Variants in LINGO2 observed in about 807,000 individuals in gnomAD.
LINGO2 encodes leucine-rich repeat and immunoglobulin-like domain-containing nogo receptor-interacting protein 2.
Under a neutral mutation model 30.6 loss-of-function variants are expected in LINGO2, and 14 were observed. The ratio of observed to expected loss-of-function variants is 0.46; its 90% CI spans 0.30 to 0.72. LINGO2 has a LOEUF of 0.72. Ranked by LOEUF, LINGO2 falls within the 30% of genes least tolerant of loss-of-function variation. LINGO2 has a pLI of 0.07. For missense variants in LINGO2, 729 were observed against 751.7 expected (o/e 0.97, Z 0.35); for synonymous variants, 317 against 288.5 (o/e 1.10, Z -1.00).
chr9:28,549,276 T>C (rs1026857545), intron 1 of LINGO2, among the ~76,000 whole-genome samples: 1 of 152,104 alleles, frequency 6.6e-6, no homozygotes, highest in Admixed American at 6.5e-5. Context: ...CAACAACATA[T>C]TTTTCAGTTT....
At chr9:28,136,088 G>T (rs1251358167) in intron 4 of LINGO2, among the ~76,000 whole-genome samples, 1 of 152,082 alleles carries the variant, frequency 6.6e-6, no homozygotes, top group Non-Finnish European at 1.5e-5. Context: ...AATTCACTTT[G>T]TAGAGTCTGA....
the LINGO2 span, among the ~76,000 whole-genome samples, chr9:28,860,539 ATTACT>A: frequency 6.6e-6 from 1 of 151,946 alleles, no homozygotes; most frequent in South Asian, 2.1e-4. Context: ...ATGTGAGCCA[ATTACT>A]TATGATAAAT....
At chr9:29,106,595 A>T in the LINGO2 span, among the ~76,000 whole-genome samples, 1 of 152,178 alleles carries the variant, frequency 6.6e-6, no homozygotes, top group African/African-American at 2.4e-5. Flanking sequence ...GATGTTAAAC[A>T]TGTATTTGCT....
chr9:28,781,110 T>A, the LINGO2 span, among the ~76,000 whole-genome samples: 1 of 151,954 alleles, frequency 6.6e-6, no homozygotes, highest in African/African-American at 2.4e-5. Flanking sequence ...ATACATGAGG[T>A]TTTTGAGGCT....
intron 3 of LINGO2, among the ~76,000 whole-genome samples, chr9:28,362,103 C>G (rs1005416509): frequency 1.3e-5 from 2 of 152,180 alleles, no homozygotes; most frequent in Non-Finnish European, 2.9e-5. Context: ...ATCAGAATAT[C>G]TAAAGCTGGA....
chr9:28,892,703 G>A, the LINGO2 span, among the ~76,000 whole-genome samples: 3 of 151,824 alleles, frequency 2.0e-5, no homozygotes, highest in African/African-American at 4.8e-5. Context: ...TAACTGTATT[G>A]ACTTTAATTT....
At chr9:28,704,655 C>T in the LINGO2 span, among the ~76,000 whole-genome samples, 2 of 151,986 alleles carry the variant, frequency 1.3e-5, no homozygotes, top group Non-Finnish European at 2.9e-5. Flanking sequence ...CATCTTCAAG[C>T]TGAGAGATTC....
intron 2 of LINGO2, among the ~76,000 whole-genome samples, chr9:28,380,211 A>G (rs550030607): frequency 4.6e-5 from 7 of 152,164 alleles, no homozygotes; most frequent in African/African-American, 1.7e-4. Context: ...CATTCATTTA[A>G]TAAACAGGTT....
chr9:28,987,632 GTTGT>G, the LINGO2 span, among the ~76,000 whole-genome samples: 1 of 151,948 alleles, frequency 6.6e-6, no homozygotes, highest in African/African-American at 2.4e-5. Flanking sequence ...GCAACATTAA[GTTGT>G]TTATCTGAGA....
intron 4 of LINGO2, among the ~76,000 whole-genome samples, chr9:28,182,435 A>T (rs1420799494): frequency 3.3e-5 from 5 of 152,262 alleles, no homozygotes; most frequent in Admixed American, 2.0e-4. Context: ...TGCCAAAAGC[A>T]ATTGCAACAC....
At chr9:28,051,413 C>CA (rs1334159864) in intron 4 of LINGO2, among the ~76,000 whole-genome samples, 2 of 152,088 alleles carry the variant, frequency 1.3e-5, no homozygotes, top group African/African-American at 4.8e-5. Flanking sequence ...ATTCTGGAAA[C>CA]AATTCTAACA....
intron 1 of LINGO2, among the ~76,000 whole-genome samples, chr9:28,492,256 T>C (rs1281886071): frequency 6.6e-6 from 1 of 152,186 alleles, no homozygotes; most frequent in African/African-American, 2.4e-5. Flanking sequence ...TCTGATCAAT[T>C]TGTCTAAACT....
chr9:28,346,926 T>C (rs561836694), intron 3 of LINGO2, among the ~76,000 whole-genome samples: 165 of 152,170 alleles, frequency 1.1e-3, no homozygotes, highest in African/African-American at 3.7e-3. Context: ...TATAGGTTAG[T>C]AGACTTTTGT....
intron 1 of LINGO2, among the ~76,000 whole-genome samples, chr9:28,550,713 T>A (rs1217908974): frequency 6.6e-6 from 1 of 151,726 alleles, no homozygotes; most frequent in Non-Finnish European, 1.5e-5. Context: ...TTTGCTTTCA[T>A]AAAATAGAAT....
chr9:28,781,810 T>G, the LINGO2 span, among the ~76,000 whole-genome samples: 1 of 152,164 alleles, frequency 6.6e-6, no homozygotes, highest in Non-Finnish European at 1.5e-5. Context: ...AAAAACAAGT[T>G]TAGAAGGATG....
intron 2 of LINGO2, among the ~76,000 whole-genome samples, chr9:28,444,523 G>T (rs1287330001): frequency 1.3e-5 from 2 of 152,218 alleles, no homozygotes; most frequent in African/African-American, 4.8e-5. Flanking sequence ...AAAGAGAGAA[G>T]AGCTACAGTC....
intron 4 of LINGO2, among the ~76,000 whole-genome samples, chr9:28,044,200 A>C (rs1161552357): frequency 6.6e-6 from 1 of 152,200 alleles, no homozygotes; most frequent in African/African-American, 2.4e-5. Flanking sequence ...TTGAACCTGA[A>C]TGTATCATTT....
At chr9:29,130,060 C>T in the LINGO2 span, among the ~76,000 whole-genome samples, 3 of 152,048 alleles carry the variant, frequency 2.0e-5, no homozygotes. Context: ...ATAGGAAAAT[C>T]TAAAGGTTTG....
chr9:28,449,064 T>C (rs1211176944), intron 2 of LINGO2, among the ~76,000 whole-genome samples: 2 of 151,104 alleles, frequency 1.3e-5, no homozygotes, highest in Non-Finnish European at 3.0e-5. Flanking sequence ...TGTGTGTGTG[T>C]GTGTGTGTGT....
Sources: gnomAD v4.1 joint callset for allele counts (sites outside exome capture counted in the v4.1 genomes callset) on GRCh38, gnomAD v4.1.1 for gene constraint, MANE v1.5 for transcripts, NCBI Gene and HGNC (gene_info 2026-07-23, HGNC 2026-07-21) for gene names.